Variants in GGT7 observed in about 807,000 individuals in gnomAD.
The protein encoded by GGT7 is glutathione hydrolase 7.
In GGT7, 30 loss-of-function variants were observed where a neutral mutation model predicts 69.2. That is an observed-to-expected ratio of 0.43 (90% CI 0.32 to 0.59). The LOEUF (loss-of-function observed/expected upper bound fraction) is 0.59. GGT7 is among the 20% of genes least tolerant of loss of function. The probability of loss-of-function intolerance (pLI) is 0.05; values close to 1 mark genes in which losing one functional copy is unlikely to be tolerated. For synonymous variants in GGT7, 388 were observed against 391.8 expected (o/e 0.99, Z 0.12); for missense variants, 733 against 901.1 (o/e 0.81, Z 2.39).
chr20:34,845,490 A>T lies in GGT7; in HGVS notation c.1827T>A (p.Ser609Arg). The change falls in exon 15 of 15, where the codon AGT (serine) becomes AGA (arginine). Residue 609 changes from serine (S) to arginine (R), a missense_variant and splice_region_variant. By Grantham distance (110) the Ser-to-Arg change is moderately radical. Coordinates refer to ENST00000336431, the MANE Select transcript of GGT7 (RefSeq NM_178026.3). ...ACTCAATCTCTTCCTCTGTGAACTC[A>T]CCTGAAAACCATCCCCGACATATAC... is the stretch of plus-strand genomic sequence containing the variant. ...DLQSNLLQVD[S>R]EFTEEEIEFL... 1 of 1,613,364 alleles carries T rather than the reference A, an allele frequency of 6.2e-7. No homozygotes were observed. Among genetic ancestry groups the T allele is most frequent in the Admixed American group, 1.7e-5 (1 of 59,988 alleles).
rs1317001931 is a variant in GGT7 at position 34,854,454 on chromosome 20, AC to A, written c.1319+76del. 1.7e-5 allele frequency: 14 copies of A among 821,162 alleles called. No individual in the cohort carries two copies. The East Asian group carries it at 2.5e-4, about 15-fold the overall frequency. The allele number at this position is 821,162 out of a possible 1,614,324, so 50.9% of individuals were successfully genotyped here. A position where few individuals can be genotyped will look rare whatever the true frequency, so the allele number is the denominator to read the frequency against. ...TAGGATTTCAGGCCTTTATTGCTATACCAGCTGCTTTTCTCCTGACCCTTTC... is the reference window on the plus strand; with the variant it reads ...TAGGATTTCAGGCCTTTATTGCTATACAGCTGCTTTTCTCCTGACCCTTTC... On this transcript the variant is annotated intron_variant, in intron 10 of 14. Transcript: ENST00000336431.
At chr20:34,851,174 G>A in intron 13 of GGT7, 57 bp downstream of exon 13, 3 of 1,599,954 alleles carry the variant, frequency 1.9e-6, no homozygotes, top group Non-Finnish European at 2.6e-6. Flanking sequence ...GGCATCTGCA[G>A]TCTAGGCCAC....
At chr20:34,864,281 G>T (rs1426668112) in intron 1 of GGT7, among the ~76,000 whole-genome samples, 1 of 152,110 alleles carries the variant, frequency 6.6e-6, no homozygotes, top group African/African-American at 2.4e-5. Context: ...CAAAGAGTAT[G>T]TGTGTGGAAT....
intron 1 of GGT7, among the ~76,000 whole-genome samples, chr20:34,865,276 C>T (rs990618828): frequency 1.3e-5 from 2 of 152,196 alleles, no homozygotes; most frequent in African/African-American, 4.8e-5. Context: ...CCTCTGCCTC[C>T]CAGGCTCAAG....
At chr20:34,866,472 T>C (rs1363771464) in intron 1 of GGT7, among the ~76,000 whole-genome samples, 1 of 151,340 alleles carries the variant, frequency 6.6e-6, no homozygotes, top group Non-Finnish European at 1.5e-5. Context: ...AACACATATA[T>C]TTTGAAATGA....
Position 34,862,955 on chromosome 20 carries a change from T to C in GGT7, c.416A>G (p.Gln139Arg), listed in dbSNP as rs2079623553. ...IYFGDPQIFQ[Q>R]GAVVTDAARC... ...GGCAGCATCGGTCACCACGGCACCC[T>C]GCTGGAAGATCTGGGAGGGGAAAGA... is the stretch of plus-strand genomic sequence containing the variant. Residue 139 changes from glutamine (Q) to arginine (R), a missense_variant, in exon 3 of 15, where the codon CAG becomes CGG. Coordinates refer to ENST00000336431, the MANE Select transcript of GGT7 (RefSeq NM_178026.3). 1 of 1,612,800 alleles carries C rather than the reference T, an allele frequency of 6.2e-7. No homozygotes were observed.
At chr20:34,865,238 G>A (rs1168446541) in intron 1 of GGT7, among the ~76,000 whole-genome samples, 1 of 152,166 alleles carries the variant, frequency 6.6e-6, no homozygotes, top group East Asian at 1.9e-4. Flanking sequence ...CACCATCTCA[G>A]CTCACTGAAA....
chr20:34,869,799 T>C (rs1601249336), intron 1 of GGT7, among the ~76,000 whole-genome samples: 1 of 152,042 alleles, frequency 6.6e-6, no homozygotes, highest in Non-Finnish European at 1.5e-5. Flanking sequence ...GAAGAGCAGG[T>C]GCATGGGGAA....
At position 34,849,991 on chromosome 20, in the gene GGT7, C is replaced by G; in HGVS notation, c.1795G>C (p.Asp599His). ...DSLARGRLHP[D>H]LQSNLLQVDS... ...ACCTGCAGGAGGTTGGACTGCAGGTCCGGGTGTAGGCGGCCGCGGGCCAGG... is the reference window on the plus strand; with the variant it reads ...ACCTGCAGGAGGTTGGACTGCAGGTGCGGGTGTAGGCGGCCGCGGGCCAGG... The change falls in exon 14 of 15, where the codon GAC (aspartate) becomes CAC (histidine). Residue 599 changes from aspartate to histidine, a missense_variant. Coordinates refer to ENST00000336431, the MANE Select transcript of GGT7 (RefSeq NM_178026.3). 6.2e-7 allele frequency: 1 copy of G among 1,613,412 alleles called. No individual in the cohort carries two copies. Among genetic ancestry groups the G allele is most frequent in the Non-Finnish European group, 8.5e-7 (1 of 1,179,472 alleles).
intron 14 of GGT7, among the ~76,000 whole-genome samples, chr20:34,849,714 G>GT (rs1240957104): frequency 6.6e-6 from 1 of 152,248 alleles, no homozygotes; most frequent in South Asian, 2.1e-4. Flanking sequence ...ATGAACAACT[G>GT]TGTCTTATTT....
chr20:34,872,615 G>A, intron 1 of GGT7, 32 bp downstream of exon 1: 1 of 1,406,014 alleles, frequency 7.1e-7, no homozygotes, highest in Non-Finnish European at 9.3e-7. Context: ...GACTTCCCAA[G>A]GCAGGGCAGG....
At chr20:34,862,437 T>G (rs978182676) in intron 3 of GGT7, among the ~76,000 whole-genome samples, 2 of 152,102 alleles carry the variant, frequency 1.3e-5, no homozygotes, top group African/African-American at 4.8e-5. Flanking sequence ...GCAGGGTGTA[T>G]TTTTGGAGGA....
chr20:34,864,013 A>G (rs549309011), intron 1 of GGT7, among the ~76,000 whole-genome samples: 4 of 152,340 alleles, frequency 2.6e-5, no homozygotes, highest in East Asian at 1.9e-4. Flanking sequence ...GGAGAGCCCT[A>G]TGCTAGGTGC....
intron 13 of GGT7, among the ~76,000 whole-genome samples, chr20:34,850,557 C>T (rs2079372556): frequency 6.6e-6 from 1 of 152,194 alleles, no homozygotes; most frequent in Non-Finnish European, 1.5e-5. Flanking sequence ...AGGATTCTCT[C>T]CAGAACTGGG....
rs1190740617 is a variant in GGT7, at chr20:34,845,421, T to C, written c.1896A>G (p.Leu632=). ...RGHHVEKVDV[L]SWVHGSRRTN... ...TCCTTCGGCTGCCATGGACCCAGGA[T>C]AAGACATCTACTTTCTCCACGTGGT... The change falls in exon 15 of 15, where the codon TTA becomes TTG. Residue 632 remains leucine (L), a synonymous_variant. Coordinates refer to ENST00000336431, the MANE Select transcript of GGT7 (RefSeq NM_178026.3). The C allele has an allele frequency of 4.3e-6, 7 of 1,614,114 alleles. No individual in the cohort carries two copies. The highest frequency in any genetic ancestry group is 1.3e-5 in the African/African-American group (1 of 75,046).
At chr20:34,847,704 T>C (rs979204231) in intron 14 of GGT7, among the ~76,000 whole-genome samples, 1 of 152,232 alleles carries the variant, frequency 6.6e-6, no homozygotes, top group Non-Finnish European at 1.5e-5. Flanking sequence ...TATCTATTTG[T>C]ATAGCTAACA....
rs1405771922 is a variant in GGT7 at position 34,872,781 on chromosome 20, G to A, written c.35C>T (p.Ala12Val). 1.6e-5 allele frequency: 22 copies of A among 1,414,486 alleles called. No individual in the cohort carries two copies. The highest frequency in any genetic ancestry group is 2.0e-5 in the Non-Finnish European group (22 of 1,078,246). The allele number at this position is 1,414,486 out of a possible 1,614,324, so 87.6% of individuals were successfully genotyped here. The change falls in exon 1 of 15, where the codon GCC (alanine) becomes GTC (valine). Residue 12 changes from alanine to valine, a missense_variant. Transcript: ENST00000336431. Reference protein sequence around the residue: ...AAENEASQESALGAYSPVDYM... With the variant: ...AAENEASQESVLGAYSPVDYM... ...GTCCACTGGCGAGTAGGCGCCCAGG[G>A]CGCTCTCCTGGCTGGCCTCGTTCTC...
intron 1 of GGT7, among the ~76,000 whole-genome samples, chr20:34,869,832 G>A (rs966664555): frequency 6.6e-6 from 1 of 152,198 alleles, no homozygotes; most frequent in African/African-American, 2.4e-5. Flanking sequence ...GTTCAAAATA[G>A]AACATGCTAT....
At chr20:34,871,486 G>A (rs578253130) in intron 1 of GGT7, among the ~76,000 whole-genome samples, 3 of 152,274 alleles carry the variant, frequency 2.0e-5, no homozygotes, top group East Asian at 1.9e-4. Context: ...GTTTTGATCC[G>A]CAGCCCTGAC....
Sources: gnomAD v4.1 joint callset for allele counts (sites outside exome capture counted in the v4.1 genomes callset) on GRCh38, gnomAD v4.1.1 for gene constraint, MANE v1.5 for transcripts, NCBI Gene and HGNC (gene_info 2026-07-23, HGNC 2026-07-21) for gene names.